KCNMA1: variants seen among roughly 807,000 people sequenced by gnomAD.
The protein encoded by KCNMA1 is potassium calcium-activated channel subfamily M alpha 1, also known as Calcium-activated potassium channel subunit alpha-1.
KCNMA1 carries 29 observed loss-of-function variants against 140.0 expected under a neutral mutation model. The ratio of observed to expected loss-of-function variants is 0.21; its 90% CI spans 0.15 to 0.28. The LOEUF is 0.28. KCNMA1 is among the 10% of genes least tolerant of loss of function. KCNMA1 has a pLI of 1.00. For synonymous variants in KCNMA1, 612 were observed against 611.9 expected, an observed-to-expected ratio of 1.00 and a Z score of 0.00; for missense variants, 880 against 1,602.2, an observed-to-expected ratio of 0.55 and a Z score of 7.70.
At chr10:77,049,139 C>G (rs959869846) in intron 14 of KCNMA1, among the ~76,000 whole-genome samples, 1 of 152,208 alleles carries the variant, frequency 6.6e-6, no homozygotes, top group Admixed American at 6.5e-5. Flanking sequence ...AATCTAAAAA[C>G]TTCCTCTCCT....
intron 1 of KCNMA1, among the ~76,000 whole-genome samples, chr10:77,599,291 A>G (rs111459826): frequency 2.6e-5 from 4 of 152,242 alleles, no homozygotes; most frequent in African/African-American, 9.6e-5. Context: ...TGCATTTAAT[A>G]TGCATTTTAA....
At chr10:77,417,262 T>G (rs1178692667) in intron 1 of KCNMA1, among the ~76,000 whole-genome samples, 3 of 152,258 alleles carry the variant, frequency 2.0e-5, no homozygotes, top group African/African-American at 4.8e-5. Flanking sequence ...TTTTGGTCCA[T>G]GCATGTTGCA....
At chr10:76,912,136 A>T (rs1379790117) in intron 24 of KCNMA1, 2 of 152,238 alleles carry the variant, frequency 1.3e-5, no homozygotes, top group Admixed American at 1.3e-4. Context: ...GAGAGCAAGC[A>T]ATGCTACTCA....
intron 2 of KCNMA1, among the ~76,000 whole-genome samples, chr10:77,363,904 T>A (rs750792724): frequency 6.6e-6 from 1 of 152,218 alleles, no homozygotes; most frequent in Non-Finnish European, 1.5e-5. Context: ...CTTTTTAAAA[T>A]GGACTTGTCA....
intron 3 of KCNMA1, among the ~76,000 whole-genome samples, chr10:77,207,226 C>G (rs896407719): frequency 2.0e-5 from 3 of 152,108 alleles, no homozygotes; most frequent in Admixed American, 6.6e-5. Context: ...AGAGGACTCT[C>G]CCTAAACAAA....
intron 2 of KCNMA1, among the ~76,000 whole-genome samples, chr10:77,263,244 T>C (rs2154268880): frequency 6.6e-6 from 1 of 152,280 alleles, no homozygotes; most frequent in East Asian, 1.9e-4. Flanking sequence ...TCTATCCCCA[T>C]GTAGCCACAG....
chr10:77,394,253 T>A (rs1167910835), intron 2 of KCNMA1, among the ~76,000 whole-genome samples: 1 of 152,196 alleles, frequency 6.6e-6, no homozygotes, highest in African/African-American at 2.4e-5. Flanking sequence ...AACTGAGGGT[T>A]GATTTCTGAA....
At chr10:77,052,021 G>T (rs1021607888) in intron 14 of KCNMA1, among the ~76,000 whole-genome samples, 3 of 152,196 alleles carry the variant, frequency 2.0e-5, no homozygotes, top group African/African-American at 7.2e-5. Flanking sequence ...ATGAGTGATA[G>T]TGATAGTGAT....
chr10:76,948,167 G>C (rs56325337), intron 22 of KCNMA1, among the ~76,000 whole-genome samples: 26,893 of 151,854 alleles, frequency 0.18, 2,531 homozygotes, highest in Middle Eastern at 0.2. Flanking sequence ...ACCACATCAG[G>C]CTAATTTTTT....
chr10:76,887,031 C>G lies in KCNMA1; in HGVS notation c.*235G>C. Reference sequence around the variant, plus strand: ...TGGAGCATGCCTTTGGGTTATTTTTCCCCCAGAATCATAAATAACTTTTGG... The same window carrying G: ...TGGAGCATGCCTTTGGGTTATTTTTGCCCCAGAATCATAAATAACTTTTGG... On this transcript the variant is annotated 3_prime_UTR_variant, in exon 28 of 28. Transcript: ENST00000286628. The G allele has an allele frequency of 7.2e-7, 1 of 1,391,242 alleles. No individual in the cohort carries two copies. Among genetic ancestry groups the G allele is most frequent in the Non-Finnish European group, 9.4e-7 (1 of 1,066,984 alleles). The allele number at this position is 1,391,242 out of a possible 1,614,324, so 86.2% of individuals were successfully genotyped here. A position where few individuals can be genotyped will look rare whatever the true frequency, so the allele number is the denominator to read the frequency against.
Position 77,084,786 on chromosome 10 carries a change from T to C in KCNMA1, c.1441-67A>G, listed in dbSNP as rs557291557. 924 of 1,125,848 alleles carry C rather than the reference T, an allele frequency of 8.2e-4. 5 individuals are homozygous for C. The highest frequency in any genetic ancestry group is 1.1e-3 in the Non-Finnish European group (846 of 741,618). 69.7% of individuals were successfully genotyped at this position (1,125,848 alleles called of 1,614,324 possible). On this transcript the variant is annotated intron_variant, in intron 11 of 27. Coordinates refer to ENST00000286628, the MANE Select transcript of KCNMA1 (RefSeq NM_001161352.2). ...AATAGCCATGCTCGAGTGTAGTCTC[T>C]CTCTGTTGACAGCTTCTTGGGGAAG...
chr10:77,048,669 T>A (rs1321555171), intron 14 of KCNMA1, among the ~76,000 whole-genome samples: 1 of 152,220 alleles, frequency 6.6e-6, no homozygotes, highest in African/African-American at 2.4e-5. Context: ...AGCCAACTTG[T>A]TTTATTTAAT....
intron 23 of KCNMA1, among the ~76,000 whole-genome samples, chr10:76,937,863 A>G (rs1430299307): frequency 6.6e-6 from 1 of 152,054 alleles, no homozygotes; most frequent in Non-Finnish European, 1.5e-5. Context: ...TAGTGTAACT[A>G]TAGCTTCAGG....
At chr10:77,178,040 C>G (rs1311721987) in intron 5 of KCNMA1, among the ~76,000 whole-genome samples, 1 of 152,182 alleles carries the variant, frequency 6.6e-6, no homozygotes, top group African/African-American at 2.4e-5. Context: ...AGATACCCTA[C>G]ATCATTGCAA....
intron 5 of KCNMA1, among the ~76,000 whole-genome samples, chr10:77,165,078 C>A (rs975565893): frequency 6.6e-5 from 10 of 152,038 alleles, no homozygotes; most frequent in Admixed American, 2.6e-4. Context: ...TAAAAATATT[C>A]ACTACTTTTT....
rs148695844 is a variant in KCNMA1 at position 77,384,013 on chromosome 10, C to T, written c.540+19849G>A. On this transcript the variant is annotated intron_variant, in intron 2 of 27. Coordinates refer to ENST00000286628, the MANE Select transcript of KCNMA1 (RefSeq NM_001161352.2). The stretch of plus-strand genomic sequence containing the variant: ...GTATGTTTATGAAAGATTTGTGCGT[C>T]ACCATCAGCTCTCTGGGGCAGTTTG... Among the ~76,000 whole-genome samples the T allele has an allele frequency of 2.6e-5, 4 of 152,372 alleles. No individual in the cohort carries two copies. The East Asian group carries it at 7.7e-4, about 29-fold the overall frequency.
At chr10:77,115,702 A>G (rs901913368) in intron 6 of KCNMA1, among the ~76,000 whole-genome samples, 1 of 152,232 alleles carries the variant, frequency 6.6e-6, no homozygotes, top group African/African-American at 2.4e-5. Context: ...TGATGGTTAC[A>G]GTGATATTAG....
At chr10:77,159,064 T>A (rs2098524968) in intron 5 of KCNMA1, among the ~76,000 whole-genome samples, 1 of 152,210 alleles carries the variant, frequency 6.6e-6, no homozygotes, top group Non-Finnish European at 1.5e-5. Flanking sequence ...TTGAAGCAAC[T>A]GGCTTGGTAC....
intron 1 of KCNMA1, among the ~76,000 whole-genome samples, chr10:77,438,540 G>A (rs2097311314): frequency 6.7e-6 from 1 of 149,018 alleles, no homozygotes; most frequent in Non-Finnish European, 1.5e-5. Flanking sequence ...TCCAGCCTGG[G>A]CAACAAGAGC....
Sources: allele counts gnomAD v4.1 joint callset (sites outside exome capture counted in the v4.1 genomes callset), GRCh38; gene constraint gnomAD v4.1.1; transcripts MANE v1.5; gene names NCBI Gene and HGNC (gene_info 2026-07-23, HGNC 2026-07-21).